The following ABHD18 variants were observed in gnomAD, a reference collection of about 807,000 sequenced individuals.
ABHD18 encodes the protein cardiolipin-specific deacylase, mitochondrial.
Under a neutral mutation model 65.9 loss-of-function variants are expected in ABHD18, and 55 were observed. That is an observed-to-expected ratio of 0.84 (90% CI 0.67 to 1.05). ABHD18 has a LOEUF of 1.05. Among genes scored for constraint, ABHD18 ranks in the 50% least tolerant of loss-of-function variants. The pLI is 0.00. For missense variants in ABHD18, 533 were observed against 558.5 expected (o/e 0.95, Z 0.46); for synonymous variants, 181 against 180.2 (o/e 1.00, Z -0.04).
intron 2 of ABHD18, among the ~76,000 whole-genome samples, chr4:127,983,856 C>CA (rs761467097): frequency 4.7e-5 from 7 of 150,192 alleles, no homozygotes; most frequent in East Asian, 2.0e-4. Context: ...GACTCCGTCT[C>CA]AAAAAAAATA....
chr4:127,982,822 A>C, intron 1 of ABHD18, 117 bp from the exon 2 acceptor site: 4 of 577,030 alleles, frequency 6.9e-6, no homozygotes, highest in Non-Finnish European at 1.2e-5. Flanking sequence ...TTTCCAAAGG[A>C]ATTAATTCGT....
rs190236379 is a variant in ABHD18, at chr4:127,972,647, C to G, written c.-18+7041C>G. 1.3e-4 allele frequency among the ~76,000 whole-genome samples: 19 copies of G among 148,902 alleles called. No homozygotes were observed. The Admixed American group carries it at 1.3e-3, about 10-fold the overall frequency. On this transcript the variant is annotated intron_variant, in intron 1 of 12. Coordinates refer to ENST00000645843, the MANE Select transcript of ABHD18 (RefSeq NM_001358451.3). ...TTTTGAACTCCTGACTTCAAGTGATCCACCTGCCTTGGCTTCTCAAAGTGC... is the reference window on the plus strand; with the variant it reads ...TTTTGAACTCCTGACTTCAAGTGATGCACCTGCCTTGGCTTCTCAAAGTGC...
At chr4:127,970,309 T>C (rs989038701) in intron 1 of ABHD18, among the ~76,000 whole-genome samples, 14 of 151,748 alleles carry the variant, frequency 9.2e-5, no homozygotes, top group African/African-American at 3.1e-4. Flanking sequence ...AGAAAATAAG[T>C]GGGCCCAGTG....
intron 4 of ABHD18, among the ~76,000 whole-genome samples, chr4:128,006,562 C>G (rs372263725): frequency 1.9e-4 from 29 of 152,270 alleles, no homozygotes; most frequent in African/African-American, 6.7e-4. Context: ...GCAAAGTTTT[C>G]AGCTCAGAAT....
intron 4 of ABHD18, among the ~76,000 whole-genome samples, chr4:128,007,089 G>A (rs1373510458): frequency 1.3e-5 from 2 of 152,122 alleles, no homozygotes; most frequent in Admixed American, 6.5e-5. Context: ...AAGTTGCAGT[G>A]AGCCAAGATC....
At chr4:127,975,594 C>G (rs1268488477) in intron 1 of ABHD18, among the ~76,000 whole-genome samples, 1 of 152,130 alleles carries the variant, frequency 6.6e-6, no homozygotes, top group Non-Finnish European at 1.5e-5. Flanking sequence ...AAGCTCCCAC[C>G]TTTTATGTAT....
At chr4:128,018,340 G>T (rs1452655714) in intron 8 of ABHD18, among the ~76,000 whole-genome samples, 2 of 152,056 alleles carry the variant, frequency 1.3e-5, no homozygotes, top group Admixed American at 1.3e-4. Flanking sequence ...TTTGTGTGTG[G>T]GCTCAAGTGA....
chr4:127,987,824 T>C (rs1750248398), intron 3 of ABHD18, among the ~76,000 whole-genome samples: 1 of 152,188 alleles, frequency 6.6e-6, no homozygotes, highest in African/African-American at 2.4e-5. Flanking sequence ...TATAGAGATA[T>C]TATGTCTCCT....
intron 12 of ABHD18, among the ~76,000 whole-genome samples, 183 bp from the exon 13 acceptor site, chr4:128,035,576 GAAA>G (rs887961568): frequency 6.8e-6 from 1 of 147,772 alleles, no homozygotes; most frequent in East Asian, 2.0e-4. Flanking sequence ...TGTCTCAAAA[GAAA>G]AAAAAAAGTT....
rs915992504 is a variant in ABHD18 at position 128,038,325 on chromosome 4, G to C, written c.*2512G>C. On this transcript the variant is annotated 3_prime_UTR_variant, in exon 13 of 13. Coordinates refer to ENST00000645843, the MANE Select transcript of ABHD18 (RefSeq NM_001358451.3). ...CAAAATACTTTTTAAAATAAAACTT[G>C]TCAACTGAATTACGATTTTCTTATA... is the stretch of plus-strand genomic sequence containing the variant. 5 of 152,112 alleles carry C rather than the reference G, an allele frequency of 3.3e-5. No individual in the cohort carries two copies. The highest frequency in any genetic ancestry group is 7.2e-5 in the African/African-American group (3 of 41,408). 9.4% of individuals were successfully genotyped at this position (152,112 alleles called of 1,614,324 possible).
chr4:127,980,196 T>G (rs1260450867), intron 1 of ABHD18, among the ~76,000 whole-genome samples: 1 of 152,132 alleles, frequency 6.6e-6, no homozygotes, highest in Non-Finnish European at 1.5e-5. Flanking sequence ...TGGTATTATT[T>G]TGGAAGTGAA....
intron 3 of ABHD18, among the ~76,000 whole-genome samples, chr4:127,987,150 G>A (rs1579206544): frequency 2.0e-5 from 3 of 151,962 alleles, no homozygotes; most frequent in South Asian, 2.1e-4. Flanking sequence ...TCAGGAGTTC[G>A]AGACCAGCCT....
chr4:127,996,689 A>C (rs1400439863), intron 4 of ABHD18, among the ~76,000 whole-genome samples: 1 of 152,162 alleles, frequency 6.6e-6, no homozygotes, highest in Non-Finnish European at 1.5e-5. Flanking sequence ...ACACCAGGGC[A>C]TATTTCAGTC....
intron 3 of ABHD18, among the ~76,000 whole-genome samples, chr4:127,988,562 T>C (rs1750384564): frequency 6.6e-6 from 1 of 151,996 alleles, no homozygotes; most frequent in African/African-American, 2.4e-5. Context: ...TGTTTTTAAT[T>C]CAAATCAGAA....
chr4:128,026,026 C>T (rs1194509745), intron 10 of ABHD18, among the ~76,000 whole-genome samples: 5 of 152,086 alleles, frequency 3.3e-5, no homozygotes, highest in African/African-American at 4.8e-5. Flanking sequence ...TGGTGGCTCA[C>T]GCCTGTAATC....
chr4:128,002,095 T>G (rs1465482537), intron 4 of ABHD18, among the ~76,000 whole-genome samples: 1 of 151,782 alleles, frequency 6.6e-6, no homozygotes, highest in Non-Finnish European at 1.5e-5. Context: ...GCCAACATGG[T>G]AAAACCCGAT....
chr4:127,986,189 C>T (rs1208258031), intron 3 of ABHD18, among the ~76,000 whole-genome samples: 1 of 152,190 alleles, frequency 6.6e-6, no homozygotes, highest in African/African-American at 2.4e-5. Flanking sequence ...CCTCTTCCCC[C>T]ACCTGCTGGC....
intron 10 of ABHD18, among the ~76,000 whole-genome samples, chr4:128,027,345 C>T (rs954844148): frequency 7.9e-5 from 12 of 152,090 alleles, no homozygotes; most frequent in Admixed American, 2.0e-4. Context: ...TTTACAAGTC[C>T]TTAAACTTAG....
At chr4:128,033,406 T>C (rs1367503081) in intron 12 of ABHD18, among the ~76,000 whole-genome samples, 1 of 152,148 alleles carries the variant, frequency 6.6e-6, no homozygotes, top group Non-Finnish European at 1.5e-5. Flanking sequence ...TATGGTTCAT[T>C]ATAATTCACA....
Sources: allele counts gnomAD v4.1 joint callset (sites outside exome capture counted in the v4.1 genomes callset), GRCh38; gene constraint gnomAD v4.1.1; transcripts MANE v1.5; gene names NCBI Gene and HGNC (gene_info 2026-07-23, HGNC 2026-07-21).